HECTD4: variants seen among roughly 807,000 people sequenced by gnomAD.
HECTD4 encodes HECT domain E3 ubiquitin protein ligase 4.
A neutral mutation model predicts 471.5 loss-of-function variants in HECTD4; 114 were observed. That is an observed-to-expected ratio of 0.24 (90% CI 0.21 to 0.28). HECTD4 has a LOEUF of 0.28. HECTD4 is among the 10% of genes least tolerant of loss of function. The probability of loss-of-function intolerance (pLI) is 1.00; values close to 1 mark genes in which losing one functional copy is unlikely to be tolerated. For missense variants in HECTD4, 3,866 were observed against 5,651.5 expected (o/e 0.68, Z 10.13); for synonymous variants, 2,012 against 2,256.0 (o/e 0.89, Z 3.07).
intron 55 of HECTD4, among the ~76,000 whole-genome samples, chr12:112,197,054 C>T (rs1254478007): frequency 6.6e-6 from 1 of 152,110 alleles, no homozygotes; most frequent in East Asian, 1.9e-4. Context: ...CCTCGGCCTC[C>T]CAAAGTGCTG....
intron 60 of HECTD4, among the ~76,000 whole-genome samples, chr12:112,187,067 C>T (rs2031894990): frequency 6.6e-6 from 1 of 152,016 alleles, no homozygotes; most frequent in African/African-American, 2.4e-5. Flanking sequence ...GCAACCTCCG[C>T]CTCCCAGGTT....
rs773828862 is a variant in HECTD4, at chr12:112,167,933, G to A, written c.12209-16C>T. On this transcript the variant is annotated splice_polypyrimidine_tract_variant and intron_variant, in intron 70 of 75. Coordinates refer to ENST00000682272, the MANE Select transcript of HECTD4 (RefSeq NM_001388303.1). ...AAAGAGCCGCCTGTAGGACAGACGA[G>A]ACACATGGGCACCTGGGGTGTCCCG... 1 of 1,602,538 alleles carries A rather than the reference G, an allele frequency of 6.2e-7. No individual in the cohort carries two copies. The highest frequency in any genetic ancestry group is 2.2e-5 in the East Asian group (1 of 44,822).
chr12:112,290,861 A>AC lies in HECTD4; in HGVS notation c.1336-7560_1336-7559insG, dbSNP rs199799874. Among the ~76,000 whole-genome samples, 22 of 147,668 alleles carry AC rather than the reference A, an allele frequency of 1.5e-4. 1 individual carries two copies. Among genetic ancestry groups the AC allele is most frequent in the African/African-American group, 5.7e-4 (22 of 38,668 alleles). On this transcript the variant is annotated intron_variant, in intron 7 of 75. Transcript: ENST00000682272. ...GAAACTCCGTCTCAAAAAAAAACAA[A>AC]ACAAAAAAAAAAAACAAATCACAGA...
chr12:112,192,428 TC>T (rs2032109007), intron 59 of HECTD4, 131 bp downstream of exon 59: 1 of 607,992 alleles, frequency 1.6e-6, no homozygotes, highest in African/African-American at 1.9e-5. Context: ...CTTCCAGAAG[TC>T]CCCAGAAGTC....
Position 112,235,418 on chromosome 12 carries a change from C to G in HECTD4, c.5725+86G>C. The stretch of plus-strand genomic sequence containing the variant: ...CCTTCTCTGTCACTCACTCTTTCAT[C>G]ATAGGAAGCACAGATGCAAGGGGGA... On this transcript the variant is annotated intron_variant, in intron 36 of 75. Coordinates refer to ENST00000682272, the MANE Select transcript of HECTD4 (RefSeq NM_001388303.1). This position sits in a 1 kb window ranked among gnomAD's most constrained non-coding sequence, Gnocchi z 5.0. 1 of 1,511,252 alleles carries G rather than the reference C, an allele frequency of 6.6e-7. No homozygotes were observed. Among genetic ancestry groups the G allele is most frequent in the Non-Finnish European group, 8.9e-7 (1 of 1,122,512 alleles). The allele number at this position is 1,511,252 out of a possible 1,614,324, so 93.6% of individuals were successfully genotyped here. A position where few individuals can be genotyped will look rare whatever the true frequency, so the allele number is the denominator to read the frequency against.
At chr12:112,373,509 A>T (rs1046017136) in intron 1 of HECTD4, among the ~76,000 whole-genome samples, 1 of 152,028 alleles carries the variant, frequency 6.6e-6, no homozygotes, top group African/African-American at 2.4e-5. Context: ...GCGACAAAGT[A>T]AGACTCCATT....
chr12:112,295,058 C>T (rs2034975573), intron 7 of HECTD4, among the ~76,000 whole-genome samples: 1 of 151,678 alleles, frequency 6.6e-6, no homozygotes, highest in Admixed American at 6.6e-5. Flanking sequence ...AACCACAGCA[C>T]TTTGGGAAGA....
At chr12:112,196,116 G>T (rs2032233803) in intron 55 of HECTD4, among the ~76,000 whole-genome samples, 1 of 152,210 alleles carries the variant, frequency 6.6e-6, no homozygotes, top group South Asian at 2.1e-4. Flanking sequence ...CTCCAGCCTG[G>T]GTGACAGAGC....
In HECTD4 at chr12:112,217,303, A is replaced by G. The variant is rs899363017; in HGVS notation, c.7075-108T>C. ...TGATGGTATTAAAATATAGGCATAC[A>G]CACACACACACACATACACACACAC... is the stretch of plus-strand genomic sequence containing the variant. On this transcript the variant is annotated intron_variant, in intron 45 of 75. Transcript: ENST00000682272. 8 of 591,306 alleles carry G rather than the reference A, an allele frequency of 1.4e-5. No homozygotes were observed. In the South Asian group the frequency reaches 2.9e-4, roughly 21 times the overall value. 36.6% of individuals were successfully genotyped at this position (591,306 alleles called of 1,614,324 possible).
intron 13 of HECTD4, among the ~76,000 whole-genome samples, chr12:112,269,131 C>T (rs999783575): frequency 6.6e-6 from 1 of 152,048 alleles, no homozygotes; most frequent in South Asian, 2.1e-4. Context: ...TCTCGGCCTC[C>T]CAAAGTGCTG....
chr12:112,167,789 G>T, intron 71 of HECTD4, 25 bp downstream of exon 71: 1 of 1,593,768 alleles, frequency 6.3e-7, no homozygotes, highest in Non-Finnish European at 8.6e-7. Context: ...CGGGGGCGTG[G>T]AGCCTCCTCC....
intron 1 of HECTD4, among the ~76,000 whole-genome samples, chr12:112,361,583 C>G (rs1252554377): frequency 1.3e-5 from 2 of 152,066 alleles, no homozygotes; most frequent in Non-Finnish European, 2.9e-5. Flanking sequence ...CTTATTTACC[C>G]TTGAAGGGGG....
intron 1 of HECTD4, among the ~76,000 whole-genome samples, chr12:112,324,109 CTCTT>C (rs1203594880): frequency 2.8e-5 from 3 of 106,640 alleles, no homozygotes; most frequent in African/African-American, 1.1e-4. Flanking sequence ...TTTCCTCTCT[CTCTT>C]TCTTTCTTTT....
At chr12:112,295,156 G>GAGAT (rs1489442459) in intron 7 of HECTD4, among the ~76,000 whole-genome samples, 1 of 150,918 alleles carries the variant, frequency 6.6e-6, no homozygotes, top group Non-Finnish European at 1.5e-5. Context: ...AAAAGAGAGA[G>GAGAT]AAACAAAAAT....
In HECTD4 at chr12:112,382,018, G is replaced by T; in HGVS notation, c.111C>A (p.Val37=). Reference sequence around the variant, plus strand: ...CGCTGGGCAGCTCGGCCAGGTCGGTGACCCGGATCAGCCCGTCGTGCAGGA... The same window carrying T: ...CGCTGGGCAGCTCGGCCAGGTCGGTTACCCGGATCAGCCCGTCGTGCAGGA... ...TIFLHDGLIR[V]TDLAELPSEI... The change falls in exon 1 of 76, where the codon GTC becomes GTA. Residue 37 remains valine (V), a synonymous_variant. Coordinates refer to ENST00000682272, the MANE Select transcript of HECTD4 (RefSeq NM_001388303.1). 1 of 1,224,604 alleles carries T rather than the reference G, an allele frequency of 8.2e-7. No individual in the cohort carries two copies. Among genetic ancestry groups the T allele is most frequent in the Non-Finnish European group, 1.0e-6 (1 of 983,242 alleles). The allele number at this position is 1,224,604 out of a possible 1,614,324, so 75.9% of individuals were successfully genotyped here.
chr12:112,258,431 G>T, intron 20 of HECTD4, 65 bp downstream of exon 20: 1 of 1,094,904 alleles, frequency 9.1e-7, no homozygotes, highest in South Asian at 1.7e-5. Context: ...TTCATAAAAG[G>T]AGTACTACGC....
intron 44 of HECTD4, among the ~76,000 whole-genome samples, chr12:112,220,951 C>T (rs1433365432): frequency 6.6e-6 from 1 of 151,838 alleles, no homozygotes; most frequent in Non-Finnish European, 1.5e-5. Context: ...CCCGTCTCTA[C>T]AAATTTTTAT....
intron 7 of HECTD4, among the ~76,000 whole-genome samples, chr12:112,291,638 C>T (rs1265446032): frequency 2.0e-5 from 3 of 151,876 alleles, no homozygotes; most frequent in Non-Finnish European, 2.9e-5. Context: ...TTTGGGAGGC[C>T]GAGGCGGGCG....
chr12:112,222,910 T>C (rs1228435479), intron 44 of HECTD4, among the ~76,000 whole-genome samples: 3 of 152,178 alleles, frequency 2.0e-5, no homozygotes, highest in Non-Finnish European at 4.4e-5. Context: ...GGAGAGCTGA[T>C]TCCAGAGTAA....
Sources: allele counts gnomAD v4.1 joint callset (sites outside exome capture counted in the v4.1 genomes callset), GRCh38; gene constraint gnomAD v4.1.1; non-coding constraint Gnocchi (gnomAD v3.1); transcripts MANE v1.5; gene names NCBI Gene and HGNC (gene_info 2026-07-23, HGNC 2026-07-21).